Variants in HPSE2 observed in about 807,000 individuals in gnomAD.
HPSE2 encodes the protein heparanase 2 (inactive).
HPSE2 carries 38 observed loss-of-function variants against 60.5 expected under a neutral mutation model. The observed-to-expected ratio is 0.63, with a 90% CI of 0.48 to 0.82. HPSE2 has a LOEUF of 0.82. Ranked by LOEUF, HPSE2 falls within the 40% of genes least tolerant of loss-of-function variation. The pLI is 0.00. For missense variants in HPSE2, 713 were observed against 740.4 expected, an observed-to-expected ratio of 0.96 and a Z score of 0.43; for synonymous variants, 295 against 293.2, an observed-to-expected ratio of 1.01 and a Z score of -0.06.
rs116820842 is a variant in HPSE2 at position 99,034,572 on chromosome 10, C to T, written c.610+109666G>A. 9.0e-3 allele frequency among the ~76,000 whole-genome samples: 1,364 copies of T among 151,976 alleles called. 17 individuals carry two copies. Among genetic ancestry groups the T allele is most frequent in the African/African-American group, 0.03 (1,243 of 41,442 alleles). ...ATGATTCTACCTGTATTACATGATA[C>T]GTGTACACAGAGACATAAATACACA... On this transcript the variant is annotated intron_variant, in intron 3 of 11. Coordinates refer to ENST00000370552, the MANE Select transcript of HPSE2 (RefSeq NM_021828.5).
chr10:98,850,339 T>C (rs1050426251), intron 3 of HPSE2, among the ~76,000 whole-genome samples: 20 of 152,136 alleles, frequency 1.3e-4, no homozygotes, highest in Non-Finnish European at 2.2e-4. Flanking sequence ...AAAGAAAGAA[T>C]TAATAGGAAC....
the HPSE2 span, among the ~76,000 whole-genome samples, chr10:99,270,992 A>C: frequency 2.6e-5 from 4 of 152,236 alleles, no homozygotes; most frequent in African/African-American, 9.6e-5. Context: ...ACCTTAATAT[A>C]ATAAAAGTCA....
intron 9 of HPSE2, among the ~76,000 whole-genome samples, chr10:98,580,838 G>GTATATATATATATATA (rs1564985668): frequency 3.3e-5 from 2 of 61,060 alleles, no homozygotes; most frequent in Non-Finnish European, 3.7e-5. Context: ...ATATATATAT[G>GTATATATATATATATA]TGTGTGTGTG....
chr10:98,984,159 C>T (rs1195149404), intron 3 of HPSE2, among the ~76,000 whole-genome samples: 5 of 152,192 alleles, frequency 3.3e-5, no homozygotes, highest in South Asian at 2.1e-4. Flanking sequence ...TCTCTCAGCA[C>T]GCAGCTTGAG....
At chr10:98,944,086 A>T (rs1955106260) in intron 3 of HPSE2, among the ~76,000 whole-genome samples, 1 of 152,216 alleles carries the variant, frequency 6.6e-6, no homozygotes, top group South Asian at 2.1e-4. Context: ...GGGAGCAGCT[A>T]GAGGTACAGG....
chr10:99,306,921 G>C, the HPSE2 span, among the ~76,000 whole-genome samples: 1 of 152,080 alleles, frequency 6.6e-6, no homozygotes, highest in African/African-American at 2.4e-5. Flanking sequence ...TGTTGGTCAG[G>C]CTGGTCTCGA....
At chr10:99,022,598 C>T (rs1191771533) in intron 3 of HPSE2, among the ~76,000 whole-genome samples, 1 of 152,072 alleles carries the variant, frequency 6.6e-6, no homozygotes, top group African/African-American at 2.4e-5. Flanking sequence ...CCCTTCCTTC[C>T]ACTTGAGGAG....
intron 3 of HPSE2, among the ~76,000 whole-genome samples, chr10:98,982,738 C>A (rs1554856444): frequency 6.6e-6 from 1 of 152,028 alleles, no homozygotes; most frequent in Non-Finnish European, 1.5e-5. Context: ...ATAAACTGTG[C>A]TTACTGTACT....
intron 3 of HPSE2, among the ~76,000 whole-genome samples, chr10:98,800,385 T>C (rs1199555948): frequency 6.8e-6 from 1 of 147,828 alleles, no homozygotes; most frequent in Non-Finnish European, 1.5e-5. Flanking sequence ...ATATATAAAA[T>C]ATATACATAA....
chr10:99,175,182 G>A (rs549940144), intron 2 of HPSE2, among the ~76,000 whole-genome samples: 2 of 152,258 alleles, frequency 1.3e-5, no homozygotes, highest in South Asian at 4.1e-4. Flanking sequence ...CACAAAACTG[G>A]GTGGCCATTT....
intron 6 of HPSE2, among the ~76,000 whole-genome samples, chr10:98,658,096 G>A (rs902951087): frequency 1.3e-5 from 2 of 152,150 alleles, no homozygotes; most frequent in East Asian, 3.9e-4. Context: ...TGAGGGTGGG[G>A]AGGATCAGAA....
At chr10:99,002,853 T>C (rs1301187912) in intron 3 of HPSE2, among the ~76,000 whole-genome samples, 1 of 152,116 alleles carries the variant, frequency 6.6e-6, no homozygotes, top group Non-Finnish European at 1.5e-5. Context: ...AACTAAGCTA[T>C]TAACATAGGT....
intron 5 of HPSE2, 151 bp downstream of exon 5, chr10:98,721,506 T>C (rs1948921547): frequency 1.4e-6 from 1 of 705,728 alleles, no homozygotes; most frequent in Admixed American, 2.6e-5. Flanking sequence ...AATCTCTGTC[T>C]TAGAGTGGGT....
chr10:98,796,361 A>C (rs1226276325), intron 3 of HPSE2, among the ~76,000 whole-genome samples: 1 of 152,140 alleles, frequency 6.6e-6, no homozygotes, highest in Non-Finnish European at 1.5e-5. Context: ...CTTGGGCTTT[A>C]AGTGAACATC....
intron 3 of HPSE2, among the ~76,000 whole-genome samples, chr10:98,833,632 A>G (rs1374071808): frequency 6.6e-6 from 1 of 152,192 alleles, no homozygotes; most frequent in Non-Finnish European, 1.5e-5. Context: ...AAACTGAGAC[A>G]CAGATGTTAT....
intron 3 of HPSE2, among the ~76,000 whole-genome samples, chr10:98,996,248 C>T (rs997067070): frequency 5.9e-5 from 9 of 152,080 alleles, no homozygotes; most frequent in Admixed American, 5.9e-4. Flanking sequence ...TTTATGGGAA[C>T]TTGCAACTCT....
At chr10:98,978,350 C>T (rs569337917) in intron 3 of HPSE2, among the ~76,000 whole-genome samples, 14 of 152,214 alleles carry the variant, frequency 9.2e-5, no homozygotes, top group Admixed American at 5.9e-4. Context: ...AAGAGACTTG[C>T]TTCACAGACT....
At chr10:99,267,118 C>T in the HPSE2 span, among the ~76,000 whole-genome samples, 1 of 152,102 alleles carries the variant, frequency 6.6e-6, no homozygotes, top group East Asian at 1.9e-4. Context: ...AAAGATCACA[C>T]TAGCTCACCT....
intron 9 of HPSE2, among the ~76,000 whole-genome samples, chr10:98,529,434 C>A (rs1004162295): frequency 2.0e-5 from 3 of 152,050 alleles, no homozygotes; most frequent in African/African-American, 7.2e-5. Context: ...CAAAGACATA[C>A]CTAGCCATCC....
Sources: allele counts gnomAD v4.1 joint callset (sites outside exome capture counted in the v4.1 genomes callset), GRCh38; gene constraint gnomAD v4.1.1; transcripts MANE v1.5; gene names NCBI Gene and HGNC (gene_info 2026-07-23, HGNC 2026-07-21).